FOXK1: variants seen among roughly 807,000 people sequenced by gnomAD.
FOXK1 encodes forkhead box protein K1.
A neutral mutation model predicts 51.9 loss-of-function variants in FOXK1; 19 were observed. The ratio of observed to expected loss-of-function variants is 0.37; its 90% CI spans 0.26 to 0.54. FOXK1 has a LOEUF of 0.54. Among genes scored for constraint, FOXK1 ranks in the 20% least tolerant of loss-of-function variants. The probability of loss-of-function intolerance (pLI) is 0.87; values close to 1 mark genes in which losing one functional copy is unlikely to be tolerated. For missense variants in FOXK1, 870 were observed against 1,032.7 expected, an observed-to-expected ratio of 0.84 and a Z score of 2.16; for synonymous variants, 537 against 482.6, an observed-to-expected ratio of 1.11 and a Z score of -1.48.
intron 1 of FOXK1, among the ~76,000 whole-genome samples, chr7:4,691,249 C>T (rs1779887396): frequency 6.6e-6 from 1 of 152,184 alleles, no homozygotes; most frequent in South Asian, 2.1e-4. Flanking sequence ...TTTTGCTTTA[C>T]TTAAACATAA....
chr7:4,690,921 A>G (rs772934742), intron 1 of FOXK1, among the ~76,000 whole-genome samples: 26 of 152,344 alleles, frequency 1.7e-4, no homozygotes, highest in Non-Finnish European at 2.9e-4. Context: ...AAAGCATTTC[A>G]TATTAAAATG....
At position 4,755,125 on chromosome 7, in the gene FOXK1, C is replaced by A; in HGVS notation, c.904-112C>A. On this transcript the variant is annotated intron_variant, in intron 3 of 8. Transcript: ENST00000328914. This position sits in a 1 kb window ranked among gnomAD's most constrained non-coding sequence, Gnocchi z 6.6. ...TGGAGGGCACTGGGACGGGTGCCGG[C>A]AAGACGCGCACATTCTCGTGGGAAG... 7.2e-7 allele frequency: 1 copy of A among 1,379,554 alleles called. No homozygotes were observed. Among genetic ancestry groups the A allele is most frequent in the Non-Finnish European group, 9.9e-7 (1 of 1,014,468 alleles). The allele number at this position is 1,379,554 out of a possible 1,614,324, so 85.5% of individuals were successfully genotyped here.
intron 1 of FOXK1, among the ~76,000 whole-genome samples, chr7:4,696,303 G>T (rs117273372): frequency 0.022 from 3,277 of 152,158 alleles, 53 homozygotes; most frequent in Non-Finnish European, 0.029. Context: ...GAAATAAATC[G>T]CCGAGGCTCT....
rs1780685762 is a variant in FOXK1 at position 4,745,154 on chromosome 7, G to C, written c.746+4131G>C. Among the ~76,000 whole-genome samples, 1 of 152,240 alleles carries C rather than the reference G, an allele frequency of 6.6e-6. No individual in the cohort carries two copies. Among genetic ancestry groups the C allele is most frequent in the South Asian group, 2.1e-4 (1 of 4,836 alleles). The stretch of plus-strand genomic sequence containing the variant: ...AGGTGGGAGCGGGGCCAGGCCAGAA[G>C]AGCTGGCTGCCTGCAAGGCTGTCCC... On this transcript the variant is annotated intron_variant, in intron 2 of 8. Transcript: ENST00000328914. This position sits in a 1 kb window ranked among gnomAD's most constrained non-coding sequence, Gnocchi z 4.3.
chr7:4,756,022 G>A lies in FOXK1; in HGVS notation c.1050+639G>A, dbSNP rs1780846800. ...CTGAATTGTGGATGGCATTTTAAGA[G>A]CTTTGTCCACACCAGCCATGACTGA... On this transcript the variant is annotated intron_variant, in intron 4 of 8. Coordinates refer to ENST00000328914, the MANE Select transcript of FOXK1 (RefSeq NM_001037165.2). The surrounding 1 kb of genome is among the most constrained non-coding windows in gnomAD (Gnocchi z 4.1). Among the ~76,000 whole-genome samples the A allele has an allele frequency of 6.6e-6, 1 of 152,200 alleles. No homozygotes were observed. The highest frequency in any genetic ancestry group is 1.5e-5 in the Non-Finnish European group (1 of 68,046).
rs1376155149 is a variant in FOXK1 at position 4,761,688 on chromosome 7, C to A, written c.1921+400C>A. Among the ~76,000 whole-genome samples the A allele has an allele frequency of 6.6e-6, 1 of 151,870 alleles. No homozygotes were observed. ...TGCCAGCCTGGGTGACTGAGCGAGACCCTGTCCCTTTAAAAAAAAAGTGGG... is the reference window on the plus strand; with the variant it reads ...TGCCAGCCTGGGTGACTGAGCGAGAACCTGTCCCTTTAAAAAAAAAGTGGG... On this transcript the variant is annotated intron_variant, in intron 8 of 8. Coordinates refer to ENST00000328914, the MANE Select transcript of FOXK1 (RefSeq NM_001037165.2). This position sits in a 1 kb window ranked among gnomAD's most constrained non-coding sequence, Gnocchi z 6.2.
chr7:4,693,996 T>A (rs1187082675), intron 1 of FOXK1, among the ~76,000 whole-genome samples: 4 of 152,172 alleles, frequency 2.6e-5, no homozygotes, highest in Non-Finnish European at 5.9e-5. Flanking sequence ...TCCTCCTGCC[T>A]CAGCCTTCTG....
chr7:4,742,436 A>G (rs1780647198), intron 2 of FOXK1, among the ~76,000 whole-genome samples: 1 of 152,028 alleles, frequency 6.6e-6, no homozygotes, highest in Non-Finnish European at 1.5e-5. Context: ...TGTATTTCAG[A>G]GACAGCGTCT....
intron 1 of FOXK1, among the ~76,000 whole-genome samples, chr7:4,726,080 T>TG (rs1202947727): frequency 6.6e-6 from 1 of 152,072 alleles, no homozygotes; most frequent in East Asian, 1.9e-4. Flanking sequence ...GGTTTGCATT[T>TG]GGGGGCTCTC....
At chr7:4,741,136 T>G (rs1183113097) in intron 2 of FOXK1, 113 bp downstream of exon 2, 1 of 711,278 alleles carries the variant, frequency 1.4e-6, no homozygotes, top group Non-Finnish European at 2.1e-6. Context: ...TGCACGTGCA[T>G]GGAAATACAG....
chr7:4,709,808 A>G lies in FOXK1; in HGVS notation c.560+26940A>G, dbSNP rs893439433. Among the ~76,000 whole-genome samples the G allele has an allele frequency of 3.4e-4, 51 of 152,204 alleles. 1 individual carries two copies. Among genetic ancestry groups the G allele is most frequent in the African/African-American group, 1.2e-3 (50 of 41,462 alleles). On this transcript the variant is annotated intron_variant, in intron 1 of 8. Coordinates refer to ENST00000328914, the MANE Select transcript of FOXK1 (RefSeq NM_001037165.2). This position sits in a 1 kb window ranked among gnomAD's most constrained non-coding sequence, Gnocchi z 5.6. ...CTGTCCGTCTTCTCGCTGTTCAGCCAGCAGTTCACTGTCTGTAAAATAGGT... is the reference window on the plus strand; with the variant it reads ...CTGTCCGTCTTCTCGCTGTTCAGCCGGCAGTTCACTGTCTGTAAAATAGGT...
intron 1 of FOXK1, among the ~76,000 whole-genome samples, chr7:4,737,849 G>A (rs1459389138): frequency 1.3e-5 from 2 of 152,212 alleles, no homozygotes; most frequent in African/African-American, 2.4e-5. Flanking sequence ...AAGGCCGGGT[G>A]TGGTGGCTCA....
chr7:4,701,683 G>A (rs541277900), intron 1 of FOXK1, among the ~76,000 whole-genome samples: 1 of 152,310 alleles, frequency 6.6e-6, no homozygotes, highest in South Asian at 2.1e-4. Context: ...ATGAGGGTCA[G>A]GAGATCAAGA....
intron 1 of FOXK1, among the ~76,000 whole-genome samples, chr7:4,696,494 C>T (rs1374596015): frequency 6.6e-6 from 1 of 152,212 alleles, no homozygotes; most frequent in East Asian, 1.9e-4. Context: ...GCTTAATAAG[C>T]CCTCGGAGTA....
Position 4,761,959 on chromosome 7 carries a change from A to AG in FOXK1, c.1922-221dup, listed in dbSNP as rs2115077513. ...CCAGCAGGATCTAGACAGCAATGAG[A>AG]GGGGCCTCCACCCAACAGGCTGGAG... On this transcript the variant is annotated intron_variant, in intron 8 of 8. Transcript: ENST00000328914. This position sits in a 1 kb window ranked among gnomAD's most constrained non-coding sequence, Gnocchi z 6.2. Among the ~76,000 whole-genome samples the AG allele has an allele frequency of 6.6e-6, 1 of 152,130 alleles. No homozygotes were observed. Among genetic ancestry groups the AG allele is most frequent in the South Asian group, 2.1e-4 (1 of 4,820 alleles).
At chr7:4,744,390 C>T (rs765405161) in intron 2 of FOXK1, among the ~76,000 whole-genome samples, 2 of 152,190 alleles carry the variant, frequency 1.3e-5, no homozygotes, top group Non-Finnish European at 2.9e-5. Flanking sequence ...GGTCATCTTT[C>T]ACCCCTCGCC....
At position 4,682,302 on chromosome 7, in the gene FOXK1, C is replaced by T; in HGVS notation, c.-7C>T. 1.0e-6 allele frequency: 1 copy of T among 987,968 alleles called. No individual in the cohort carries two copies. The highest frequency in any genetic ancestry group is 1.2e-6 in the Non-Finnish European group (1 of 834,016). The allele number at this position is 987,968 out of a possible 1,614,324, so 61.2% of individuals were successfully genotyped here. On this transcript the variant is annotated 5_prime_UTR_variant, in exon 1 of 9. Transcript: ENST00000328914. This position sits in a 1 kb window ranked among gnomAD's most constrained non-coding sequence, Gnocchi z 7.6. ...CGCCGCCGGAGGCCGCTCGGAGCCGCGCGAACATGGCCGAAGTCGGCGAGG... is the reference window on the plus strand; with the variant it reads ...CGCCGCCGGAGGCCGCTCGGAGCCGTGCGAACATGGCCGAAGTCGGCGAGG...
chr7:4,747,050 C>T lies in FOXK1; in HGVS notation c.746+6027C>T, dbSNP rs540040750. 2.0e-4 allele frequency among the ~76,000 whole-genome samples: 31 copies of T among 152,328 alleles called. No individual in the cohort carries two copies. The highest frequency in any genetic ancestry group is 3.9e-4 in the East Asian group (2 of 5,188). On this transcript the variant is annotated intron_variant, in intron 2 of 8. Transcript: ENST00000328914. This position sits in a 1 kb window ranked among gnomAD's most constrained non-coding sequence, Gnocchi z 9.2. ...AGATCCCTTCGAGGGGCAACTTTGG[C>T]GCTAAAGTGTTGGGAGTTCGGAATG...
rs994323973 is a variant in FOXK1, at chr7:4,683,267, G to T, written c.560+399G>T. Among the ~76,000 whole-genome samples the T allele has an allele frequency of 6.7e-6, 1 of 150,348 alleles. No individual in the cohort carries two copies. Among genetic ancestry groups the T allele is most frequent in the Admixed American group, 6.6e-5 (1 of 15,140 alleles). On this transcript the variant is annotated intron_variant, in intron 1 of 8. Coordinates refer to ENST00000328914, the MANE Select transcript of FOXK1 (RefSeq NM_001037165.2). This position sits in a 1 kb window ranked among gnomAD's most constrained non-coding sequence, Gnocchi z 4.5. ...CCATACCCCAAGCCCATCTGGCTGG[G>T]CCTCTTAGACCCCTGACCCAGATCC...
Sources: gnomAD v4.1 joint callset for allele counts (sites outside exome capture counted in the v4.1 genomes callset) on GRCh38, gnomAD v4.1.1 for gene constraint, Gnocchi (gnomAD v3.1) non-coding constraint, MANE v1.5 for transcripts, NCBI Gene and HGNC (gene_info 2026-07-23, HGNC 2026-07-21) for gene names.